ATG10: variants seen among roughly 807,000 people sequenced by gnomAD.
The protein encoded by ATG10 is ubiquitin-like-conjugating enzyme ATG10.
Under a neutral mutation model 32.1 loss-of-function variants are expected in ATG10, and 30 were observed. That is an observed-to-expected ratio of 0.94 (90% CI 0.70 to 1.27). The LOEUF (loss-of-function observed/expected upper bound fraction) is 1.27. Ranked by LOEUF, ATG10 falls within the 50% of genes most tolerant of loss-of-function variation. The pLI is 0.00. For synonymous variants in ATG10, 87 were observed against 91.5 expected, an observed-to-expected ratio of 0.95 and a Z score of 0.28; for missense variants, 233 against 262.3, an observed-to-expected ratio of 0.89 and a Z score of 0.77.
At chr5:82,135,624 G>A (rs1034232186) in intron 3 of ATG10, among the ~76,000 whole-genome samples, 1 of 152,194 alleles carries the variant, frequency 6.6e-6, no homozygotes, top group African/African-American at 2.4e-5. Flanking sequence ...TTGCTGAGGA[G>A]TATTTTATTT....
At chr5:82,143,442 C>A (rs1006668236) in intron 3 of ATG10, among the ~76,000 whole-genome samples, 1 of 152,228 alleles carries the variant, frequency 6.6e-6, no homozygotes, top group Admixed American at 6.5e-5. Flanking sequence ...AGAACAGTGT[C>A]TGTGGGCTGA....
At chr5:82,084,403 A>G (rs1308520798) in intron 3 of ATG10, among the ~76,000 whole-genome samples, 1 of 152,192 alleles carries the variant, frequency 6.6e-6, no homozygotes, top group African/African-American at 2.4e-5. Flanking sequence ...GTTGGGAAAC[A>G]CTCTTCAGGA....
rs564168054 is a variant in ATG10 at position 82,037,862 on chromosome 5, ACT to A, written c.109-20630_109-20629del. Among the ~76,000 whole-genome samples, 22 of 151,988 alleles carry A rather than the reference ACT, an allele frequency of 1.4e-4. No homozygotes were observed. In the South Asian group the frequency reaches 4.4e-3, roughly 30 times the overall value. On this transcript the variant is annotated intron_variant, in intron 2 of 7. Transcript: ENST00000282185. ...GAACCATCCTTGCATTTCTATTGTA[ACT>A]CTTTCTTGATAATGAATGCATTATT...
intron 2 of ATG10, chr5:82,009,488 A>T: frequency 1.2e-6 from 1 of 842,868 alleles, no homozygotes; most frequent in South Asian, 1.6e-5. Context: ...AGGGAACTGC[A>T]GCGAGAGCAC....
rs542399986 is a variant in ATG10 at position 82,246,173 on chromosome 5, C to T, written c.454-6389C>T. On this transcript the variant is annotated intron_variant, in intron 5 of 7. Coordinates refer to ENST00000282185, the MANE Select transcript of ATG10 (RefSeq NM_031482.5). Reference sequence around the variant, plus strand: ...GCTACCTCTGCCTTCTGGGTTCAAGCGATTCTCCTGCCTCAGCCTCCCAAG... The same window carrying T: ...GCTACCTCTGCCTTCTGGGTTCAAGTGATTCTCCTGCCTCAGCCTCCCAAG... 1.2e-3 allele frequency among the ~76,000 whole-genome samples: 176 copies of T among 151,240 alleles called. 2 individuals carry two copies. The highest frequency in any genetic ancestry group is 2.3e-3 in the Admixed American group (35 of 15,150).
At chr5:82,173,900 A>G (rs1743904337) in intron 4 of ATG10, among the ~76,000 whole-genome samples, 1 of 152,140 alleles carries the variant, frequency 6.6e-6, no homozygotes, top group Admixed American at 6.6e-5. Context: ...CCAAGTATTT[A>G]TGTCCGTGTT....
chr5:82,215,507 A>G (rs1490624612), intron 5 of ATG10, among the ~76,000 whole-genome samples: 2 of 152,220 alleles, frequency 1.3e-5, no homozygotes, highest in Non-Finnish European at 2.9e-5. Context: ...ATTCTCAGAA[A>G]GAAAAAATTA....
chr5:82,080,004 T>C (rs971243287), intron 3 of ATG10, among the ~76,000 whole-genome samples: 3 of 152,220 alleles, frequency 2.0e-5, no homozygotes, highest in African/African-American at 7.2e-5. Flanking sequence ...CATTCCTAAT[T>C]CTCCATATCC....
At chr5:82,104,290 A>G (rs941990298) in intron 3 of ATG10, among the ~76,000 whole-genome samples, 4 of 152,034 alleles carry the variant, frequency 2.6e-5, no homozygotes, top group Admixed American at 6.6e-5. Context: ...TAATTGTAAT[A>G]ATTTATGTTC....
At chr5:82,223,580 A>G (rs1268215733) in intron 5 of ATG10, among the ~76,000 whole-genome samples, 1 of 152,208 alleles carries the variant, frequency 6.6e-6, no homozygotes, top group African/African-American at 2.4e-5. Flanking sequence ...TATAAACAGC[A>G]CTATGAGAGA....
chr5:82,245,910 A>G (rs759969788), intron 5 of ATG10, among the ~76,000 whole-genome samples: 18 of 151,288 alleles, frequency 1.2e-4, no homozygotes, highest in South Asian at 6.2e-4. Flanking sequence ...AACCGTGTAA[A>G]TTAATTATGG....
At chr5:81,979,844 ATC>A (rs1173952348) in intron 1 of ATG10, among the ~76,000 whole-genome samples, 2 of 34,354 alleles carry the variant, frequency 5.8e-5, no homozygotes, top group East Asian at 1.9e-3. Flanking sequence ...AATATTTTAA[ATC>A]TTTTTTTTTT....
At chr5:82,024,676 A>G (rs531844975) in intron 2 of ATG10, among the ~76,000 whole-genome samples, 3 of 152,192 alleles carry the variant, frequency 2.0e-5, no homozygotes, top group African/African-American at 4.8e-5. Context: ...TATGTATTGA[A>G]GTTTGACTAA....
At chr5:81,993,339 C>T (rs1318222900) in intron 2 of ATG10, among the ~76,000 whole-genome samples, 4 of 34,796 alleles carry the variant, frequency 1.1e-4, no homozygotes, top group Non-Finnish European at 1.5e-4. Flanking sequence ...TTCCTTCCTT[C>T]TTTCTTTCTT....
At chr5:82,109,575 A>T (rs1765548114) in intron 3 of ATG10, among the ~76,000 whole-genome samples, 1 of 151,678 alleles carries the variant, frequency 6.6e-6, no homozygotes, top group Admixed American at 6.6e-5. Flanking sequence ...TTTTTATTTG[A>T]TTTTTTATGA....
At chr5:82,136,812 A>G (rs774643050) in intron 3 of ATG10, among the ~76,000 whole-genome samples, 4 of 152,162 alleles carry the variant, frequency 2.6e-5, no homozygotes, top group Non-Finnish European at 4.4e-5. Context: ...GTGTTTTCCA[A>G]CTTGGTTCCA....
chr5:82,182,276 G>A (rs966683862), intron 5 of ATG10, among the ~76,000 whole-genome samples: 1 of 152,086 alleles, frequency 6.6e-6, no homozygotes, highest in Admixed American at 6.6e-5. Flanking sequence ...AGATAATTGT[G>A]TAATGTGCTT....
intron 2 of ATG10, among the ~76,000 whole-genome samples, chr5:82,055,661 T>C (rs1763570118): frequency 1.3e-5 from 2 of 152,158 alleles, no homozygotes; most frequent in African/African-American, 4.8e-5. Flanking sequence ...GAGTTTTGGT[T>C]TTTATCTCTA....
intron 3 of ATG10, among the ~76,000 whole-genome samples, chr5:82,115,212 A>G (rs765918051): frequency 4.6e-5 from 7 of 152,098 alleles, no homozygotes; most frequent in South Asian, 2.1e-4. Context: ...TTTTGAGGCA[A>G]TCTTAGAAAA....
Sources: allele counts gnomAD v4.1 joint callset (sites outside exome capture counted in the v4.1 genomes callset), GRCh38; gene constraint gnomAD v4.1.1; transcripts MANE v1.5; gene names NCBI Gene and HGNC (gene_info 2026-07-23, HGNC 2026-07-21).